NAALADL2: variants seen among roughly 807,000 people sequenced by gnomAD.
The protein encoded by NAALADL2 is inactive N-acetylated-alpha-linked acidic dipeptidase-like protein 2.
In NAALADL2, 76 loss-of-function variants were observed where a neutral mutation model predicts 87.2. That is an observed-to-expected ratio of 0.87 (90% confidence interval 0.72 to 1.05). NAALADL2 has a LOEUF of 1.05. Ranked by LOEUF, NAALADL2 falls within the 50% of genes least tolerant of loss-of-function variation. NAALADL2 has a pLI of 0.00. For synonymous variants in NAALADL2, 354 were observed against 331.0 expected, an observed-to-expected ratio of 1.07 and a Z score of -0.75; for missense variants, 1,089 against 945.8, an observed-to-expected ratio of 1.15 and a Z score of -1.99.
chr3:175,004,268 A>G (rs1178189966), intron 1 of NAALADL2, among the ~76,000 whole-genome samples: 1 of 149,148 alleles, frequency 6.7e-6, no homozygotes, highest in East Asian at 2.1e-4. Context: ...GTGGTGATGC[A>G]TGCTTGTGGT....
chr3:175,424,089 C>T (rs1380928773), intron 5 of NAALADL2, among the ~76,000 whole-genome samples: 1 of 152,164 alleles, frequency 6.6e-6, no homozygotes. Flanking sequence ...TGTTCATATC[C>T]TTCGCCCACT....
chr3:175,808,662 G>A lies in NAALADL2; in HGVS notation c.*5459G>A, dbSNP rs1754907095. On this transcript the variant is annotated 3_prime_UTR_variant, in exon 14 of 14. Transcript: ENST00000454872. The stretch of plus-strand genomic sequence containing the variant: ...GGGCTAATTAATATGCACCACCTAA[G>A]TCCCCAAAGGATCACACAGGTGCCT... 1 of 151,932 alleles carries A rather than the reference G, an allele frequency of 6.6e-6. No individual in the cohort carries two copies. The allele number at this position is 151,932 out of a possible 1,614,324, so 9.4% of individuals were successfully genotyped here.
chr3:174,465,360 A>G (rs1716473985), intron 1 of NAALADL2, among the ~76,000 whole-genome samples: 1 of 152,174 alleles, frequency 6.6e-6, no homozygotes, highest in Non-Finnish European at 1.5e-5. Flanking sequence ...TTTGTATCCC[A>G]AAGGCCAGCC....
intron 2 of NAALADL2, among the ~76,000 whole-genome samples, chr3:175,155,342 T>G (rs1426939278): frequency 6.6e-6 from 1 of 152,120 alleles, no homozygotes; most frequent in East Asian, 1.9e-4. Context: ...CTTTGACACA[T>G]TCTTCTTCAC....
chr3:175,493,755 T>C (rs1466851893), intron 9 of NAALADL2, among the ~76,000 whole-genome samples: 1 of 152,210 alleles, frequency 6.6e-6, no homozygotes, highest in Non-Finnish European at 1.5e-5. Flanking sequence ...AATCTGCTAG[T>C]ACAAGTATTG....
At chr3:174,830,744 GA>G (rs1002455282) in intron 3 of NAALADL2, among the ~76,000 whole-genome samples, 1 of 152,116 alleles carries the variant, frequency 6.6e-6, no homozygotes, top group Non-Finnish European at 1.5e-5. Flanking sequence ...CATGAGCATG[GA>G]ATGTTCTTCC....
At chr3:175,390,471 G>T (rs1768939516) in intron 5 of NAALADL2, among the ~76,000 whole-genome samples, 1 of 152,132 alleles carries the variant, frequency 6.6e-6, no homozygotes, top group Non-Finnish European at 1.5e-5. Context: ...AATTCACAAA[G>T]AAATGAAAAC....
chr3:175,595,250 A>AG (rs1305478184), intron 10 of NAALADL2, among the ~76,000 whole-genome samples: 1 of 151,990 alleles, frequency 6.6e-6, no homozygotes, highest in Non-Finnish European at 1.5e-5. Flanking sequence ...TTATTGAATA[A>AG]GGGGTCCTTT....
intron 1 of NAALADL2, among the ~76,000 whole-genome samples, chr3:174,932,665 CA>C (rs997255135): frequency 1.3e-5 from 2 of 151,786 alleles, no homozygotes; most frequent in Non-Finnish European, 2.9e-5. Flanking sequence ...GGTCTGTCAG[CA>C]AAAAAATACC....
chr3:175,215,993 A>G (rs201399953), intron 2 of NAALADL2, among the ~76,000 whole-genome samples: 1 of 152,192 alleles, frequency 6.6e-6, no homozygotes, highest in East Asian at 1.9e-4. Flanking sequence ...ACATGATGAC[A>G]TGTCAGTAGA....
chr3:174,710,297 C>T (rs1430730240), intron 2 of NAALADL2, among the ~76,000 whole-genome samples: 1 of 150,662 alleles, frequency 6.6e-6, no homozygotes, highest in Non-Finnish European at 1.5e-5. Flanking sequence ...CTCTGTCGCC[C>T]AGGCTGGAAT....
chr3:175,493,356 AGTT>A (rs1320320066), intron 9 of NAALADL2, among the ~76,000 whole-genome samples: 1 of 152,124 alleles, frequency 6.6e-6, no homozygotes, highest in African/African-American at 2.4e-5. Flanking sequence ...ACAAGACTGA[AGTT>A]GTCAAAACTG....
At chr3:175,022,683 A>G (rs1312550611) in intron 1 of NAALADL2, among the ~76,000 whole-genome samples, 1 of 152,112 alleles carries the variant, frequency 6.6e-6, no homozygotes, top group Non-Finnish European at 1.5e-5. Context: ...GCCAAAGACT[A>G]GATACCAAAT....
chr3:174,831,116 C>G (rs1409572890), intron 3 of NAALADL2, among the ~76,000 whole-genome samples: 13 of 151,388 alleles, frequency 8.6e-5, no homozygotes, highest in African/African-American at 2.9e-4. Context: ...TCCTGCCTAA[C>G]TGCCCTGGCC....
intron 5 of NAALADL2, among the ~76,000 whole-genome samples, chr3:175,398,849 A>G (rs1482167339): frequency 6.6e-6 from 1 of 152,064 alleles, no homozygotes; most frequent in Non-Finnish European, 1.5e-5. Context: ...AGGGGTCCCG[A>G]TCCAGACCCC....
At chr3:174,870,974 T>C (rs751615631) in intron 1 of NAALADL2, among the ~76,000 whole-genome samples, 18 of 152,186 alleles carry the variant, frequency 1.2e-4, no homozygotes, top group African/African-American at 4.1e-4. Flanking sequence ...CACACTCTTA[T>C]GATATTTCCA....
intron 5 of NAALADL2, among the ~76,000 whole-genome samples, chr3:175,436,463 A>C (rs1340482797): frequency 0.02 from 2,850 of 145,044 alleles, 53 homozygotes; most frequent in Non-Finnish European, 0.026. Context: ...TTACAGTCCC[A>C]TCAACAGTGT....
intron 1 of NAALADL2, among the ~76,000 whole-genome samples, chr3:174,995,961 A>C (rs1449693257): frequency 6.6e-6 from 1 of 152,180 alleles, no homozygotes; most frequent in Non-Finnish European, 1.5e-5. Flanking sequence ...GTGTCCAAGG[A>C]TAAGGAGAGT....
intron 2 of NAALADL2, among the ~76,000 whole-genome samples, chr3:174,683,547 A>G (rs1429378070): frequency 2.0e-5 from 3 of 152,052 alleles, no homozygotes; most frequent in Admixed American, 6.6e-5. Context: ...ACTTCAGTTC[A>G]CTAATATAGT....
Sources: gnomAD v4.1 joint callset for allele counts (sites outside exome capture counted in the v4.1 genomes callset) on GRCh38, gnomAD v4.1.1 for gene constraint, MANE v1.5 for transcripts, NCBI Gene and HGNC (gene_info 2026-07-23, HGNC 2026-07-21) for gene names.